Variants in AKAP10 observed in about 807,000 individuals in gnomAD.
AKAP10 encodes the protein A-kinase anchor protein 10, mitochondrial.
AKAP10 carries 24 observed loss-of-function variants against 80.8 expected under a neutral mutation model. The observed-to-expected ratio is 0.30, with a 90% CI of 0.22 to 0.42. AKAP10 has a LOEUF of 0.42. Among genes scored for constraint, AKAP10 ranks in the 10% least tolerant of loss-of-function variants. The probability of loss-of-function intolerance (pLI) is 1.00; values close to 1 mark genes in which losing one functional copy is unlikely to be tolerated. For synonymous variants in AKAP10, 291 were observed against 277.7 expected (o/e 1.05, Z -0.48); for missense variants, 661 against 794.9 (o/e 0.83, Z 2.03).
At chr17:19,936,503 G>C in intron 8 of AKAP10, 73 bp from the exon 9 acceptor site, 2 of 1,424,472 alleles carry the variant, frequency 1.4e-6, no homozygotes, top group South Asian at 1.3e-5. Flanking sequence ...ACCTCCTCCA[G>C]AGAATCTTAT....
chr17:19,913,707 C>G (rs1162293958), intron 12 of AKAP10, among the ~76,000 whole-genome samples: 1 of 152,192 alleles, frequency 6.6e-6, no homozygotes, highest in Non-Finnish European at 1.5e-5. Context: ...AGAATGGCCT[C>G]TGTGAGTATC....
In AKAP10 at chr17:19,958,678, A is replaced by G. The variant is rs1597523064; in HGVS notation, c.320-107T>C. On this transcript the variant is annotated intron_variant, in intron 3 of 14. Coordinates refer to ENST00000225737, the MANE Select transcript of AKAP10 (RefSeq NM_007202.4). Reference sequence around the variant, plus strand: ...AACTGGTACCAGAGACCTTGAATAAAGTTTACTTCCTAGCAACTAAAGTAA... The same window carrying G: ...AACTGGTACCAGAGACCTTGAATAAGGTTTACTTCCTAGCAACTAAAGTAA... The G allele has an allele frequency of 2.5e-5, 23 of 915,326 alleles. No individual in the cohort carries two copies. In the East Asian group the frequency reaches 6.1e-4, roughly 24 times the overall value. 56.7% of individuals were successfully genotyped at this position (915,326 alleles called of 1,614,324 possible).
At chr17:19,942,525 A>T (rs932050016) in intron 5 of AKAP10, among the ~76,000 whole-genome samples, 5 of 152,190 alleles carry the variant, frequency 3.3e-5, no homozygotes, top group African/African-American at 1.2e-4. Context: ...GCATAACTTT[A>T]AAAATGAACA....
At chr17:19,920,887 C>CAAAAAAAAAAAAAAAAAAAAAAAAAAAAA in intron 11 of AKAP10, among the ~76,000 whole-genome samples, 1 of 66,866 alleles carries the variant, frequency 1.5e-5, no homozygotes, top group Middle Eastern at 0.013. Flanking sequence ...AAAAAAAAAG[C>CAAAAAAAAAAAAAAAAAAAAAAAAAAAAA]AAAAAATACA....
At chr17:19,907,269 C>T (rs2042640852) in intron 14 of AKAP10, among the ~76,000 whole-genome samples, 1 of 152,154 alleles carries the variant, frequency 6.6e-6, no homozygotes, top group Admixed American at 6.5e-5. Flanking sequence ...CTGCCTGCCT[C>T]AGCCCCCACA....
chr17:19,956,567 CTTTG>C (rs975299159), intron 4 of AKAP10, among the ~76,000 whole-genome samples: 1 of 151,952 alleles, frequency 6.6e-6, no homozygotes, highest in African/African-American at 2.4e-5. Context: ...AACTTTTTTT[CTTTG>C]TTTGAGCTGG....
chr17:19,951,538 T>C (rs1238793950), intron 4 of AKAP10, among the ~76,000 whole-genome samples: 1 of 152,258 alleles, frequency 6.6e-6, no homozygotes, highest in Non-Finnish European at 1.5e-5. Context: ...GACTCCATTT[T>C]GTTCTGTACT....
At chr17:19,957,435 G>C (rs923364341) in intron 4 of AKAP10, among the ~76,000 whole-genome samples, 2 of 151,926 alleles carry the variant, frequency 1.3e-5, no homozygotes, top group Non-Finnish European at 2.9e-5. Context: ...CCAGCTATTT[G>C]GGAGGCTGAG....
intron 8 of AKAP10, among the ~76,000 whole-genome samples, chr17:19,937,107 A>G (rs1162533688): frequency 2.1e-5 from 2 of 93,672 alleles, no homozygotes; most frequent in African/African-American, 3.4e-5. Context: ...AAATGCGAGA[A>G]AAAAAAAAAG....
chr17:19,930,703 C>T (rs1208195784), intron 10 of AKAP10, among the ~76,000 whole-genome samples: 1 of 151,936 alleles, frequency 6.6e-6, no homozygotes, highest in Non-Finnish European at 1.5e-5. Flanking sequence ...CAGCAAGACT[C>T]CATCATTTAA....
intron 3 of AKAP10, among the ~76,000 whole-genome samples, chr17:19,961,027 A>AACAC (rs1454302745): frequency 6.8e-6 from 1 of 147,756 alleles, no homozygotes; most frequent in Non-Finnish European, 1.5e-5. Flanking sequence ...CAAATAAATA[A>AACAC]ACAAACAAAC....
Position 19,958,227 on chromosome 17 carries a change from C to T in AKAP10, c.664G>A (p.Gly222Arg). The T allele has an allele frequency of 6.2e-7, 1 of 1,614,156 alleles. No homozygotes were observed. Among genetic ancestry groups the T allele is most frequent in the Non-Finnish European group, 8.5e-7 (1 of 1,180,036 alleles). ...SAQLFMTHSE[G>R]IDLNNRTNST... ...TTAGTTCTATTATTCAGGTCAATTCCTTCTGAATGAGTCATAAACAACTGT... is the reference window on the plus strand; with the variant it reads ...TTAGTTCTATTATTCAGGTCAATTCTTTCTGAATGAGTCATAAACAACTGT... Residue 222 changes from glycine (G) to arginine (R), a missense_variant, in exon 4 of 15, where the codon GGA becomes AGA. Gly to Arg is a moderately radical substitution (Grantham distance 125). Transcript: ENST00000225737.
chr17:19,962,879 GCTT>G lies in AKAP10; in HGVS notation c.277_279del (p.Lys93del), dbSNP rs773266357. ...TGAGCGGCCTCCATGTGGCTTGGCTGCTTCTTAAGTGTGGCTGTCCTGCTACTT... is the reference window on the plus strand; with the variant it reads ...TGAGCGGCCTCCATGTGGCTTGGCTGCTTAAGTGTGGCTGTCCTGCTACTT... On this transcript the variant is annotated inframe_deletion, in exon 3 of 15. Coordinates refer to ENST00000225737, the MANE Select transcript of AKAP10 (RefSeq NM_007202.4). 5.0e-6 allele frequency: 8 copies of G among 1,614,028 alleles called. No homozygotes were observed. The Admixed American group carries it at 1.2e-4, about 24-fold the overall frequency.
At chr17:19,966,429 C>T (rs895148665) in intron 2 of AKAP10, among the ~76,000 whole-genome samples, 25 of 152,050 alleles carry the variant, frequency 1.6e-4, no homozygotes, top group African/African-American at 6.0e-4. Context: ...TTTTGTTCAC[C>T]GTTATAGTCA....
intron 4 of AKAP10, 80 bp from the exon 5 acceptor site, chr17:19,947,585 CT>C: frequency 2.1e-6 from 2 of 936,284 alleles, no homozygotes; most frequent in Non-Finnish European, 3.4e-6. Context: ...AATAGCAGGG[CT>C]TAGATCACTG....
intron 5 of AKAP10, among the ~76,000 whole-genome samples, chr17:19,943,422 C>T (rs762368897): frequency 1.5e-4 from 23 of 152,076 alleles, no homozygotes; most frequent in Non-Finnish European, 2.8e-4. Context: ...ATCAATCATG[C>T]CTATATAATG....
At chr17:19,936,636 T>C (rs2042995772) in intron 8 of AKAP10, among the ~76,000 whole-genome samples, 1 of 152,226 alleles carries the variant, frequency 6.6e-6, no homozygotes, top group South Asian at 2.1e-4. Flanking sequence ...TACCTTTCTA[T>C]CTGCCTGCCA....
rs1397408477 is a variant in AKAP10, at chr17:19,905,995, A to C, written c.*232T>G. Reference sequence around the variant, plus strand: ...ATAATTTTCTAGTAATGTAAACAATACCATTTTGTATCTTTAAGACTCTCA... The same window carrying C: ...ATAATTTTCTAGTAATGTAAACAATCCCATTTTGTATCTTTAAGACTCTCA... On this transcript the variant is annotated 3_prime_UTR_variant, in exon 15 of 15. Transcript: ENST00000225737. 5.6e-6 allele frequency: 3 copies of C among 533,746 alleles called. No individual in the cohort carries two copies. The highest frequency in any genetic ancestry group is 1.0e-5 in the Non-Finnish European group (3 of 297,336). 33.1% of individuals were successfully genotyped at this position (533,746 alleles called of 1,614,324 possible).
At chr17:19,968,929 C>A (rs907834728) in intron 1 of AKAP10, among the ~76,000 whole-genome samples, 1 of 152,130 alleles carries the variant, frequency 6.6e-6, no homozygotes, top group Non-Finnish European at 1.5e-5. Context: ...ATGTGTCATC[C>A]ATAGTACTAG....
Sources: allele counts gnomAD v4.1 joint callset (sites outside exome capture counted in the v4.1 genomes callset), GRCh38; gene constraint gnomAD v4.1.1; transcripts MANE v1.5; gene names NCBI Gene and HGNC (gene_info 2026-07-23, HGNC 2026-07-21).